The following CXXC4 variants were observed in gnomAD, a reference collection of about 807,000 sequenced individuals.
CXXC4 encodes the protein CXXC-type zinc finger protein 4.
In CXXC4, 5 loss-of-function variants were observed where a neutral mutation model predicts 20.5. The observed-to-expected ratio is 0.24, with a 90% confidence interval of 0.13 to 0.51. CXXC4 has a LOEUF of 0.51. Ranked by LOEUF, CXXC4 falls within the 20% of genes least tolerant of loss-of-function variation. CXXC4 has a pLI of 0.97. For synonymous variants in CXXC4, 250 were observed against 216.4 expected, an observed-to-expected ratio of 1.16 and a Z score of -1.36; for missense variants, 419 against 496.4, an observed-to-expected ratio of 0.84 and a Z score of 1.48.
intron 2 of CXXC4, among the ~76,000 whole-genome samples, chr4:104,479,692 CTAA>C (rs1458486512): frequency 6.6e-6 from 1 of 151,990 alleles, no homozygotes; most frequent in African/African-American, 2.4e-5. Context: ...AACTATAGTT[CTAA>C]TAATAAAATG....
chr4:104,471,994 T>C lies in CXXC4; in HGVS notation c.*328A>G. ...TAGATATGTACTTTGCAAAGATACA[T>C]GATTTTACAGCAGGGGTTTACCCAA... On this transcript the variant is annotated 3_prime_UTR_variant, in exon 3 of 3. Coordinates refer to ENST00000394767, the MANE Select transcript of CXXC4 (RefSeq NM_025212.4). The C allele has an allele frequency of 9.6e-6, 2 of 207,420 alleles. No homozygotes were observed. Among genetic ancestry groups the C allele is most frequent in the Non-Finnish European group, 9.5e-6 (1 of 104,730 alleles). 12.8% of individuals were successfully genotyped at this position (207,420 alleles called of 1,614,324 possible).
intron 2 of CXXC4, among the ~76,000 whole-genome samples, chr4:104,489,353 A>C (rs10034519): frequency 0.59 from 89,041 of 151,792 alleles, 26,513 homozygotes; most frequent in Middle Eastern, 0.65. Flanking sequence ...TAAAAAAAAA[A>C]CTGTATCTTC....
chr4:104,494,066 C>A (rs1736976988), intron 1 of CXXC4, among the ~76,000 whole-genome samples: 3 of 152,122 alleles, frequency 2.0e-5, no homozygotes. Flanking sequence ...AGGTTTAATA[C>A]CACCAGAAAC....
intron 2 of CXXC4, among the ~76,000 whole-genome samples, chr4:104,481,544 G>GAA (rs70961978): frequency 7.2e-6 from 1 of 138,062 alleles, no homozygotes; most frequent in African/African-American, 2.6e-5. Flanking sequence ...AGGGAAAAAA[G>GAA]AAAAAAAAAA....
intron 2 of CXXC4, among the ~76,000 whole-genome samples, chr4:104,482,710 T>C (rs1736587221): frequency 1.3e-5 from 2 of 152,160 alleles, no homozygotes; most frequent in Admixed American, 6.5e-5. Flanking sequence ...TAATCTTGTT[T>C]CATTCTCTAA....
chr4:104,490,226 C>T (rs1303747881), intron 2 of CXXC4, among the ~76,000 whole-genome samples: 1 of 152,086 alleles, frequency 6.6e-6, no homozygotes, highest in East Asian at 1.9e-4. Context: ...GTAGGAAATC[C>T]CCTTCTGAAT....
intron 2 of CXXC4, among the ~76,000 whole-genome samples, chr4:104,488,080 G>A (rs955990153): frequency 2.0e-5 from 3 of 152,144 alleles, no homozygotes; most frequent in Non-Finnish European, 4.4e-5. Flanking sequence ...AAGAATATAT[G>A]TTATTATTAT....
intron 2 of CXXC4, among the ~76,000 whole-genome samples, chr4:104,484,594 G>A (rs992954969): frequency 1.3e-5 from 2 of 151,960 alleles, no homozygotes; most frequent in African/African-American, 4.8e-5. Flanking sequence ...AAAAAATTCA[G>A]CAGGCTTGAT....
In CXXC4 at chr4:104,490,903, T is replaced by C. The variant is rs377103900; in HGVS notation, c.900A>G (p.Pro300=). ...CACACCTTTTCCTCTTCTTCTTGGC[T>C]GGGTTGGCTCCGCCAGCTCCCCCTG... ...SSSGGAGGAN[P]AKKKRKRCGV... The change falls in exon 2 of 3, where the codon CCA becomes CCG. Residue 300 remains proline, a synonymous_variant. Transcript: ENST00000394767. 6.2e-7 allele frequency: 1 copy of C among 1,614,026 alleles called. No homozygotes were observed. Among genetic ancestry groups the C allele is most frequent in the African/African-American group, 1.3e-5 (1 of 74,922 alleles).
chr4:104,487,692 G>C (rs1248539751), intron 2 of CXXC4, among the ~76,000 whole-genome samples: 3 of 152,100 alleles, frequency 2.0e-5, no homozygotes, highest in Admixed American at 6.5e-5. Context: ...AACAATTAGT[G>C]GCTATTTTTT....
chr4:104,470,965 G>A lies in CXXC4; in HGVS notation c.*1357C>T, dbSNP rs1361306808. On this transcript the variant is annotated 3_prime_UTR_variant, in exon 3 of 3. Transcript: ENST00000394767. Reference sequence around the variant, plus strand: ...AGATCCTTTGTGTGTAGGTTGTGGGGGGAGGGGTATGTCATGCATTTATGA... The same window carrying A: ...AGATCCTTTGTGTGTAGGTTGTGGGAGGAGGGGTATGTCATGCATTTATGA... 6.6e-6 allele frequency: 1 copy of A among 151,994 alleles called. No individual in the cohort carries two copies. The highest frequency in any genetic ancestry group is 1.5e-5 in the Non-Finnish European group (1 of 67,990). The allele number at this position is 151,994 out of a possible 1,614,324, so 9.4% of individuals were successfully genotyped here.
chr4:104,476,045 A>G (rs1287179424), intron 2 of CXXC4, among the ~76,000 whole-genome samples: 2 of 152,142 alleles, frequency 1.3e-5, no homozygotes, highest in East Asian at 3.9e-4. Flanking sequence ...GTACAACACT[A>G]TCTTCAAGTC....
At chr4:104,476,493 G>C (rs1047078488) in intron 2 of CXXC4, among the ~76,000 whole-genome samples, 9 of 152,164 alleles carry the variant, frequency 5.9e-5, no homozygotes, top group African/African-American at 2.2e-4. Flanking sequence ...TCTAAGTACA[G>C]TGTGTAAAAT....
At chr4:104,482,375 T>G (rs1736577859) in intron 2 of CXXC4, among the ~76,000 whole-genome samples, 1 of 152,190 alleles carries the variant, frequency 6.6e-6, no homozygotes, top group Non-Finnish European at 1.5e-5. Context: ...TGTATTTCTC[T>G]TTCGATGGAA....
rs201051323 is a variant in CXXC4 at position 104,480,864 on chromosome 4, C to CCCTTCCTT, written c.1060-8506_1060-8499dup. ...CTTTATCTTCCCTCCCTCCCTCCCTCCCTTCCTTCCTTCCTTCCATCCTTT... is the reference window on the plus strand; with the variant it reads ...CTTTATCTTCCCTCCCTCCCTCCCTCCCTTCCTTCCTTCCTTCCTTCCTTCCATCCTTT... On this transcript the variant is annotated intron_variant, in intron 2 of 2. Coordinates refer to ENST00000394767, the MANE Select transcript of CXXC4 (RefSeq NM_025212.4). Among the ~76,000 whole-genome samples the CCCTTCCTT allele has an allele frequency of 4.5e-3, 659 of 147,100 alleles. 3 individuals carry two copies. Among genetic ancestry groups the CCCTTCCTT allele is most frequent in the African/African-American group, 0.016 (629 of 39,430 alleles).
At chr4:104,488,669 GA>G (rs1359522978) in intron 2 of CXXC4, among the ~76,000 whole-genome samples, 4 of 152,120 alleles carry the variant, frequency 2.6e-5, no homozygotes, top group Non-Finnish European at 5.9e-5. Context: ...TTAAAAAGAA[GA>G]AAATGTAGTT....
chr4:104,488,652 G>T (rs1463161417), intron 2 of CXXC4, among the ~76,000 whole-genome samples: 1 of 152,052 alleles, frequency 6.6e-6, no homozygotes, highest in Non-Finnish European at 1.5e-5. Context: ...TTGTGCATGA[G>T]AATTTTTTAA....
At chr4:104,477,678 T>G (rs1464816945) in intron 2 of CXXC4, among the ~76,000 whole-genome samples, 3 of 151,912 alleles carry the variant, frequency 2.0e-5, no homozygotes, top group Non-Finnish European at 4.4e-5. Context: ...TATCACACAG[T>G]CCAATAATTT....
chr4:104,487,273 T>C (rs1367852424), intron 2 of CXXC4, among the ~76,000 whole-genome samples: 4 of 152,184 alleles, frequency 2.6e-5, no homozygotes, highest in Non-Finnish European at 5.9e-5. Flanking sequence ...GGAAACCTCC[T>C]GAGGCACTGC....
Sources: allele counts gnomAD v4.1 joint callset (sites outside exome capture counted in the v4.1 genomes callset), GRCh38; gene constraint gnomAD v4.1.1; transcripts MANE v1.5; gene names NCBI Gene and HGNC (gene_info 2026-07-23, HGNC 2026-07-21).